Variants in PLPP3 observed in about 807,000 individuals in gnomAD.
PLPP3 encodes phospholipid phosphatase 3.
In PLPP3, 6 loss-of-function variants were observed where a neutral mutation model predicts 29.6. The ratio of observed to expected loss-of-function variants is 0.20; its 90% CI spans 0.11 to 0.40. PLPP3 has a LOEUF of 0.40. Among genes scored for constraint, PLPP3 ranks in the 10% least tolerant of loss-of-function variants. PLPP3 has a pLI of 1.00. For missense variants in PLPP3, 308 were observed against 407.7 expected (o/e 0.76, Z 2.11); for synonymous variants, 152 against 159.7 (o/e 0.95, Z 0.36).
chr1:56,551,511 C>T (rs959290110), intron 1 of PLPP3, among the ~76,000 whole-genome samples: 2 of 152,018 alleles, frequency 1.3e-5, no homozygotes, highest in African/African-American at 4.8e-5. Flanking sequence ...CAGCCTGCCT[C>T]GAACAGGTGC....
rs748709096 is a variant in PLPP3 at position 56,496,566 on chromosome 1, G to A, written c.921C>T (p.His307=). The A allele has an allele frequency of 4.3e-6, 7 of 1,614,104 alleles. No homozygotes were observed. The highest frequency in any genetic ancestry group is 5.1e-6 in the Non-Finnish European group (6 of 1,179,986). The change falls in exon 6 of 6, where the codon CAC becomes CAT. Residue 307 remains histidine, a synonymous_variant. Coordinates refer to ENST00000371250, the MANE Select transcript of PLPP3 (RefSeq NM_003713.5). ...TGGGTGGCACCTACATCATGTTGTGGTGATTGTTCCTGTCAATAATGTCCA... is the reference window on the plus strand; with the variant it reads ...TGGGTGGCACCTACATCATGTTGTGATGATTGTTCCTGTCAATAATGTCCA... ...SPVDIIDRNN[H]HNMM
intron 5 of PLPP3, among the ~76,000 whole-genome samples, chr1:56,499,276 A>G (rs989892885): frequency 1.9e-4 from 29 of 152,190 alleles, no homozygotes; most frequent in African/African-American, 5.5e-4. Context: ...ACATAGTTCA[A>G]TAGAAGGCAT....
chr1:56,550,608 A>G (rs984174574), intron 1 of PLPP3, among the ~76,000 whole-genome samples: 2 of 152,108 alleles, frequency 1.3e-5, no homozygotes, highest in African/African-American at 2.4e-5. Context: ...GCGAAGCCCA[A>G]GGGGGGTTCA....
intron 1 of PLPP3, among the ~76,000 whole-genome samples, chr1:56,559,128 G>A (rs575488689): frequency 6.6e-6 from 1 of 152,298 alleles, no homozygotes; most frequent in East Asian, 1.9e-4. Flanking sequence ...TGAGGGGGTA[G>A]GGTGAGCAGA....
rs1465247250 is a variant in PLPP3 at position 56,502,595 on chromosome 1, C to CTGCCAT, written c.811-5925_811-5920dup. Among the ~76,000 whole-genome samples the CTGCCAT allele has an allele frequency of 3.9e-5, 6 of 152,244 alleles. No homozygotes were observed. The East Asian group carries it at 1.2e-3, about 29-fold the overall frequency. ...GAACAGATGGGCTCAAATCCTAGATCTGCCATTGCATGGCTGTGTGTCTTA... is the reference window on the plus strand; with the variant it reads ...GAACAGATGGGCTCAAATCCTAGATCTGCCATTGCCATTGCATGGCTGTGTGTCTTA... On this transcript the variant is annotated intron_variant, in intron 5 of 5. Coordinates refer to ENST00000371250, the MANE Select transcript of PLPP3 (RefSeq NM_003713.5).
chr1:56,498,048 A>G (rs1232212517), intron 5 of PLPP3, among the ~76,000 whole-genome samples: 1 of 143,936 alleles, frequency 6.9e-6, no homozygotes, highest in Non-Finnish European at 1.5e-5. Context: ...TTTTGTTGTT[A>G]AAAAAAAAAA....
chr1:56,570,168 C>T (rs1232800536), intron 1 of PLPP3, among the ~76,000 whole-genome samples: 1 of 152,148 alleles, frequency 6.6e-6, no homozygotes, highest in African/African-American at 2.4e-5. Flanking sequence ...CAAACATAGG[C>T]TTAATAGGCT....
chr1:56,525,982 G>A (rs1030681028), intron 2 of PLPP3, among the ~76,000 whole-genome samples: 1 of 152,178 alleles, frequency 6.6e-6, no homozygotes, highest in Admixed American at 6.5e-5. Flanking sequence ...GTGCAGCAGT[G>A]AGAACAGCTA....
At chr1:56,528,096 T>C (rs1210839522) in intron 2 of PLPP3, among the ~76,000 whole-genome samples, 2 of 152,208 alleles carry the variant, frequency 1.3e-5, no homozygotes, top group African/African-American at 4.8e-5. Context: ...TGTTGATCCC[T>C]TTCTGAAACA....
At chr1:56,512,398 G>A (rs186529500) in intron 4 of PLPP3, 5 of 403,018 alleles carry the variant, frequency 1.2e-5, no homozygotes, top group East Asian at 1.0e-4. Context: ...GATCACCTGA[G>A]GTCAGGTGTT....
In PLPP3 at chr1:56,572,892, A is replaced by G. The variant is rs1048106533; in HGVS notation, c.139+5986T>C. On this transcript the variant is annotated intron_variant, in intron 1 of 5. Transcript: ENST00000371250. ...CAAACAAGTATTACCAGGTTTGCTTATTTTACAGATGAGGAAACTGAAGCC... is the reference window on the plus strand; with the variant it reads ...CAAACAAGTATTACCAGGTTTGCTTGTTTTACAGATGAGGAAACTGAAGCC... Among the ~76,000 whole-genome samples the G allele has an allele frequency of 1.4e-4, 22 of 152,158 alleles. 1 individual carries two copies.
At chr1:56,577,274 T>A (rs554879194) in intron 1 of PLPP3, among the ~76,000 whole-genome samples, 1 of 152,188 alleles carries the variant, frequency 6.6e-6, no homozygotes, top group Non-Finnish European at 1.5e-5. Context: ...CCACTGTGCA[T>A]GATAATGAGC....
chr1:56,543,236 T>C (rs1022118764), intron 1 of PLPP3, among the ~76,000 whole-genome samples: 1 of 152,172 alleles, frequency 6.6e-6, no homozygotes, highest in Non-Finnish European at 1.5e-5. Context: ...GTTTAGACTT[T>C]AGGAATTGAT....
intron 5 of PLPP3, among the ~76,000 whole-genome samples, chr1:56,501,007 C>CAAAAAA (rs71048436): frequency 1.1e-4 from 9 of 84,922 alleles, no homozygotes; most frequent in East Asian, 3.4e-4. Flanking sequence ...CTGTCTCAGA[C>CAAAAAA]AAAAAAAAAA....
chr1:56,578,760 G>T, intron 1 of PLPP3, 118 bp downstream of exon 1: 6 of 1,133,258 alleles, frequency 5.3e-6, no homozygotes, highest in Non-Finnish European at 6.7e-6. Flanking sequence ...AAGGCTGCGG[G>T]GGCCCCCCGG....
chr1:56,569,935 C>T (rs1013240210), intron 1 of PLPP3, among the ~76,000 whole-genome samples: 2 of 152,222 alleles, frequency 1.3e-5, no homozygotes, highest in Non-Finnish European at 2.9e-5. Context: ...CCCAGCTCCA[C>T]ACCCTCAGGC....
chr1:56,500,023 A>G (rs576614853), intron 5 of PLPP3, among the ~76,000 whole-genome samples: 21 of 152,222 alleles, frequency 1.4e-4, no homozygotes, highest in Non-Finnish European at 2.4e-4. Context: ...AACAAACAAG[A>G]AAAACTATAC....
At chr1:56,509,657 C>T (rs756904635) in intron 5 of PLPP3, among the ~76,000 whole-genome samples, 2 of 151,840 alleles carry the variant, frequency 1.3e-5, no homozygotes, top group Non-Finnish European at 2.9e-5. Context: ...CTGGCCAACA[C>T]AGTGAAACCC....
intron 2 of PLPP3, among the ~76,000 whole-genome samples, chr1:56,535,099 T>TG (rs1363777124): frequency 6.6e-6 from 1 of 152,226 alleles, no homozygotes; most frequent in Non-Finnish European, 1.5e-5. Context: ...TGCCAAGCAC[T>TG]GAGTTACTTT....
Sources: gnomAD v4.1 joint callset for allele counts (sites outside exome capture counted in the v4.1 genomes callset) on GRCh38, gnomAD v4.1.1 for gene constraint, MANE v1.5 for transcripts, NCBI Gene and HGNC (gene_info 2026-07-23, HGNC 2026-07-21) for gene names.